Variants in WIPF1 observed in about 807,000 individuals in gnomAD.
WIPF1 encodes WAS/WASL interacting protein family member 1.
Under a neutral mutation model 35.4 loss-of-function variants are expected in WIPF1, and 13 were observed. The observed-to-expected ratio is 0.37, with a 90% CI of 0.24 to 0.58. The LOEUF (loss-of-function observed/expected upper bound fraction) is 0.58, where lower values mean the gene tolerates loss of function less well. Ranked by LOEUF, WIPF1 falls within the 20% of genes least tolerant of loss-of-function variation. WIPF1 has a pLI of 0.74. For missense variants in WIPF1, 591 were observed against 667.0 expected, an observed-to-expected ratio of 0.89 and a Z score of 1.25; for synonymous variants, 267 against 266.3, an observed-to-expected ratio of 1.00 and a Z score of -0.02.
chr2:174,605,300 G>T (rs1686125711), intron 1 of WIPF1, among the ~76,000 whole-genome samples: 1 of 152,068 alleles, frequency 6.6e-6, no homozygotes, highest in Non-Finnish European at 1.5e-5. Context: ...GGGCGTGGTG[G>T]GGTGGTGCGC....
intron 4 of WIPF1, 91 bp from the exon 5 acceptor site, chr2:174,572,537 C>T: frequency 1.3e-6 from 2 of 1,532,152 alleles, no homozygotes. Context: ...CTGGAAGTCC[C>T]TTCCTCAGAG....
intron 7 of WIPF1, among the ~76,000 whole-genome samples, chr2:174,564,071 C>G (rs1684567674): frequency 6.6e-6 from 1 of 152,140 alleles, no homozygotes; most frequent in African/African-American, 2.4e-5. Flanking sequence ...TGGCCTTGTC[C>G]AAAGCTGTAA....
At chr2:174,668,007 C>A (rs1042685026) in intron 1 of WIPF1, among the ~76,000 whole-genome samples, 1 of 152,168 alleles carries the variant, frequency 6.6e-6, no homozygotes, top group Non-Finnish European at 1.5e-5. Flanking sequence ...GACAGCTACC[C>A]TTTGAACACC....
chr2:174,615,133 T>A (rs13414978), intron 1 of WIPF1, among the ~76,000 whole-genome samples: 53,669 of 152,058 alleles, frequency 0.35, 9,864 homozygotes, highest in Non-Finnish European at 0.4. Context: ...CACCAAACCA[T>A]AATAAAGACA....
At chr2:174,599,488 G>A (rs1411311296), upstream of WIPF1, among the ~76,000 whole-genome samples, 1 of 152,124 alleles carries the variant, frequency 6.6e-6, no homozygotes, top group East Asian at 1.9e-4. Flanking sequence ...TTGAAGGCAG[G>A]GACCGCCTCT....
chr2:174,627,270 T>A (rs1686868350), intron 1 of WIPF1, among the ~76,000 whole-genome samples: 1 of 152,144 alleles, frequency 6.6e-6, no homozygotes, highest in African/African-American at 2.4e-5. Context: ...ATCTTTTAAC[T>A]TGAATATAAG....
At chr2:174,604,961 A>C (rs1024134155) in intron 1 of WIPF1, among the ~76,000 whole-genome samples, 1 of 152,222 alleles carries the variant, frequency 6.6e-6, no homozygotes, top group Non-Finnish European at 1.5e-5. Context: ...CTTTTGAACC[A>C]AGGAGATGTA....
At chr2:174,674,465 G>A (rs1041372026) in intron 1 of WIPF1, among the ~76,000 whole-genome samples, 5 of 152,150 alleles carry the variant, frequency 3.3e-5, no homozygotes, top group African/African-American at 9.7e-5. Flanking sequence ...GAGGAAAATT[G>A]GAATTGAAAG....
chr2:174,634,908 G>A (rs1641329240), intron 1 of WIPF1, among the ~76,000 whole-genome samples: 1 of 152,194 alleles, frequency 6.6e-6, no homozygotes, highest in Admixed American at 6.5e-5. Context: ...AGAAGGGGCA[G>A]AGCGCTCACA....
chr2:174,668,258 T>A (rs1465792481), intron 1 of WIPF1, among the ~76,000 whole-genome samples: 1 of 152,220 alleles, frequency 6.6e-6, no homozygotes, highest in African/African-American at 2.4e-5. Context: ...ATCTCATCTC[T>A]GCTACCAACT....
intron 6 of WIPF1, 138 bp from the exon 7 acceptor site, chr2:174,567,321 G>T: frequency 1.3e-6 from 1 of 776,660 alleles, no homozygotes; most frequent in Non-Finnish European, 2.1e-6. Flanking sequence ...TTACAGAAAA[G>T]CTGGAAGTGC....
intron 4 of WIPF1, among the ~76,000 whole-genome samples, chr2:174,574,398 T>C (rs773764684): frequency 6.6e-6 from 1 of 152,204 alleles, no homozygotes; most frequent in Non-Finnish European, 1.5e-5. Context: ...AGTGATAAAA[T>C]AGTAGGCTAA....
intron 1 of WIPF1, among the ~76,000 whole-genome samples, chr2:174,681,373 G>T (rs1198655239): frequency 3.3e-5 from 5 of 152,202 alleles, no homozygotes; most frequent in African/African-American, 4.8e-5. Context: ...AGAAGGCAGT[G>T]TTGTGTGCAC....
chr2:174,626,600 T>C (rs1320770075), intron 1 of WIPF1, among the ~76,000 whole-genome samples: 1 of 152,208 alleles, frequency 6.6e-6, no homozygotes, highest in African/African-American at 2.4e-5. Context: ...CCCATCTCAG[T>C]CTGATGGCAT....
At chr2:174,605,505 A>G (rs1259046844) in intron 1 of WIPF1, among the ~76,000 whole-genome samples, 1 of 152,196 alleles carries the variant, frequency 6.6e-6, no homozygotes, top group Non-Finnish European at 1.5e-5. Context: ...AAACTAAAAA[A>G]CAAAAATGAG....
intron 4 of WIPF1, among the ~76,000 whole-genome samples, chr2:174,574,430 A>G (rs188052775): frequency 3.9e-5 from 6 of 152,336 alleles, no homozygotes; most frequent in African/African-American, 1.4e-4. Flanking sequence ...CAGTGATTCC[A>G]TATTCATGTA....
chr2:174,660,504 A>G (rs545907652), intron 1 of WIPF1, among the ~76,000 whole-genome samples: 1 of 152,160 alleles, frequency 6.6e-6, no homozygotes, highest in Non-Finnish European at 1.5e-5. Context: ...AGGACAGGAC[A>G]GCTGGGTTCA....
rs906920110 is a variant in WIPF1 at position 174,622,288 on chromosome 2, A to C, written c.-38-36677T>G. ...GCCTGCATACCACCAAAACTATATGATTTGTTTAATATTTTTATTTAACTC... is the reference window on the plus strand; with the variant it reads ...GCCTGCATACCACCAAAACTATATGCTTTGTTTAATATTTTTATTTAACTC... On this transcript the variant is annotated intron_variant, in intron 1 of 8. Coordinates refer to the WIPF1 transcript ENST00000272746. This position sits in a 1 kb window ranked among gnomAD's most constrained non-coding sequence, Gnocchi z 5.1. 4.6e-5 allele frequency among the ~76,000 whole-genome samples: 7 copies of C among 152,178 alleles called. No individual in the cohort carries two copies. Among genetic ancestry groups the C allele is most frequent in the African/African-American group, 9.7e-5 (4 of 41,440 alleles).
chr2:174,624,861 G>T (rs934981663), intron 1 of WIPF1, among the ~76,000 whole-genome samples: 8 of 152,154 alleles, frequency 5.3e-5, no homozygotes, highest in Non-Finnish European at 1.2e-4. Flanking sequence ...CACTGTGGAG[G>T]GGGGTTGGGG....
Sources: allele counts gnomAD v4.1 joint callset (sites outside exome capture counted in the v4.1 genomes callset), GRCh38; gene constraint gnomAD v4.1.1; non-coding constraint Gnocchi (gnomAD v3.1); transcripts MANE v1.5; gene names NCBI Gene and HGNC (gene_info 2026-07-23, HGNC 2026-07-21).